Variants in LZTS1 observed in about 807,000 individuals in gnomAD.
The protein encoded by LZTS1 is leucine zipper putative tumor suppressor 1.
In LZTS1, 31 loss-of-function variants were observed where a neutral mutation model predicts 45.8. The observed-to-expected ratio is 0.68, with a 90% CI of 0.51 to 0.91. The LOEUF (loss-of-function observed/expected upper bound fraction) is 0.91. Ranked by LOEUF, LZTS1 falls within the 40% of genes least tolerant of loss-of-function variation. LZTS1 has a pLI of 0.00. For synonymous variants in LZTS1, 359 were observed against 357.3 expected (o/e 1.00, Z -0.05); for missense variants, 821 against 788.9 (o/e 1.04, Z -0.49).
intron 1 of LZTS1, among the ~76,000 whole-genome samples, chr8:20,261,596 A>T (rs941395590): frequency 1.3e-5 from 2 of 152,226 alleles, no homozygotes; most frequent in African/African-American, 4.8e-5. Flanking sequence ...GCTCAAGGCA[A>T]AGTGACACCT....
In LZTS1 at chr8:20,249,362, C is replaced by T. The variant is rs574850211; in HGVS notation, c.*360G>A. The stretch of plus-strand genomic sequence containing the variant: ...AGGAAAAAGAGGTTGGGATGAGAAG[C>T]AGAGGGGAGCCGCTGTACTTGCTGT... On this transcript the variant is annotated 3_prime_UTR_variant, in exon 4 of 4. Coordinates refer to ENST00000381569, the MANE Select transcript of LZTS1 (RefSeq NM_021020.5). The T allele has an allele frequency of 5.2e-5, 12 of 232,806 alleles. No homozygotes were observed. The South Asian group carries it at 5.9e-4, about 11-fold the overall frequency. The allele number at this position is 232,806 out of a possible 1,614,324, so 14.4% of individuals were successfully genotyped here.
In LZTS1 at chr8:20,255,002, G is replaced by A; in HGVS notation, c.180C>T (p.Gly60=). The A allele has an allele frequency of 6.2e-7, 1 of 1,614,216 alleles. No individual in the cohort carries two copies. The highest frequency in any genetic ancestry group is 1.1e-5 in the South Asian group (1 of 91,086). The change falls in exon 2 of 4, where the codon GGC becomes GGT. Residue 60 remains glycine (G), a synonymous_variant. Coordinates refer to ENST00000381569, the MANE Select transcript of LZTS1 (RefSeq NM_021020.5). The part of the protein sequence containing the change: ...SGHGKSSSKM[G]KSEDFFYIKV... ...TGATGTAGAAGAAGTCTTCGCTCTT[G>A]CCCATTTTGGAGCTGGACTTGCCGT...
chr8:20,279,391 G>A (rs1451203873), intron 1 of LZTS1, among the ~76,000 whole-genome samples: 1 of 152,166 alleles, frequency 6.6e-6, no homozygotes, highest in Non-Finnish European at 1.5e-5. Context: ...ATGTGTTAGT[G>A]GGCTGGTGAC....
rs10104204 is a variant in LZTS1, at chr8:20,291,150, T to C, written c.-135+12590A>G. Among the ~76,000 whole-genome samples, 910 of 152,356 alleles carry C rather than the reference T, an allele frequency of 6.0e-3. 10 individuals carry two copies. Among genetic ancestry groups the C allele is most frequent in the African/African-American group, 0.021 (872 of 41,580 alleles). ...CATAGGCTTTCAATCTATTTTAACG[T>C]AGTCAGATTGACCACATAGATGGAG... On this transcript the variant is annotated intron_variant, in intron 1 of 3. Transcript: ENST00000381569.
chr8:20,267,107 CAAAA>C (rs11379373), intron 1 of LZTS1, among the ~76,000 whole-genome samples: 1 of 109,690 alleles, frequency 9.1e-6, no homozygotes, highest in Non-Finnish European at 1.9e-5. Flanking sequence ...GACTCCATCT[CAAAA>C]AAAAAAAAAA....
At chr8:20,303,709 G>C (rs1801122512) in intron 1 of LZTS1, 31 bp downstream of exon 1, 8 of 985,420 alleles carry the variant, frequency 8.1e-6, no homozygotes, top group Non-Finnish European at 9.6e-6. Context: ...ACCCTCCAGG[G>C]GCGAGGAGAT....
chr8:20,266,519 C>A (rs939167414), intron 1 of LZTS1, among the ~76,000 whole-genome samples: 2 of 152,036 alleles, frequency 1.3e-5, no homozygotes, highest in African/African-American at 2.4e-5. Context: ...ATCATGTAGA[C>A]TTTGAGACAA....
intron 1 of LZTS1, among the ~76,000 whole-genome samples, chr8:20,273,231 T>G (rs948337133): frequency 6.6e-6 from 1 of 152,196 alleles, no homozygotes; most frequent in African/African-American, 2.4e-5. Context: ...TTGCCTGGCT[T>G]TCCTCCTGTT....
chr8:20,251,953 T>C (rs1234965457), intron 3 of LZTS1, among the ~76,000 whole-genome samples: 1 of 152,130 alleles, frequency 6.6e-6, no homozygotes, highest in Non-Finnish European at 1.5e-5. Flanking sequence ...GACTTGCACA[T>C]AGCCAGGGGT....
chr8:20,253,164 A>G lies in LZTS1; in HGVS notation c.767T>C (p.Ile256Thr), dbSNP rs1799988256. The G allele has an allele frequency of 6.2e-7, 1 of 1,613,224 alleles. No homozygotes were observed. Among genetic ancestry groups the G allele is most frequent in the Admixed American group, 1.7e-5 (1 of 60,028 alleles). ...CTGGATGCTGCACTCGTCCGTGGAG[A>G]TGGGGGAGCGGACACACGAGGGGCC... ...DKGPSCVRSPISTDECSIQEL... is the reference protein window; with the variant it reads ...DKGPSCVRSPTSTDECSIQEL... Residue 256 changes from isoleucine (I) to threonine (T), a missense_variant, in exon 3 of 4, where the codon ATC (isoleucine) becomes ACC (threonine). Ile to Thr is a moderately conservative substitution (Grantham distance 89, BLOSUM62 -1). Coordinates refer to ENST00000381569, the MANE Select transcript of LZTS1 (RefSeq NM_021020.5).
At chr8:20,302,757 T>G (rs1801103179) in intron 1 of LZTS1, among the ~76,000 whole-genome samples, 1 of 152,122 alleles carries the variant, frequency 6.6e-6, no homozygotes, top group South Asian at 2.1e-4. Context: ...AGGAAACACT[T>G]TAGGAGGCCA....
chr8:20,268,021 G>C (rs959523869), intron 1 of LZTS1, among the ~76,000 whole-genome samples: 4 of 152,182 alleles, frequency 2.6e-5, no homozygotes, highest in Non-Finnish European at 4.4e-5. Context: ...AAAAATGCTT[G>C]ACCAGTGAGG....
intron 1 of LZTS1, among the ~76,000 whole-genome samples, chr8:20,284,109 G>A (rs1270863051): frequency 6.6e-6 from 1 of 152,186 alleles, no homozygotes; most frequent in Non-Finnish European, 1.5e-5. Flanking sequence ...GGTCTTGAGT[G>A]AGTCATTCTC....
At chr8:20,285,925 A>C (rs1008214224) in intron 1 of LZTS1, among the ~76,000 whole-genome samples, 6 of 152,248 alleles carry the variant, frequency 3.9e-5, no homozygotes, top group Non-Finnish European at 7.3e-5. Flanking sequence ...AGTGAGACAA[A>C]AAAATGCTGC....
intron 1 of LZTS1, among the ~76,000 whole-genome samples, chr8:20,259,369 C>A (rs934639383): frequency 6.6e-6 from 1 of 152,202 alleles, no homozygotes; most frequent in Non-Finnish European, 1.5e-5. Context: ...CCGCTGGAGG[C>A]TATTGACAGT....
intron 1 of LZTS1, among the ~76,000 whole-genome samples, chr8:20,292,854 T>C (rs1321451514): frequency 6.6e-6 from 1 of 152,172 alleles, no homozygotes; most frequent in Non-Finnish European, 1.5e-5. Context: ...CCCTCAGCCA[T>C]GGGACCCTGA....
At chr8:20,293,110 G>C (rs1200979271) in intron 1 of LZTS1, among the ~76,000 whole-genome samples, 1 of 152,130 alleles carries the variant, frequency 6.6e-6, no homozygotes, top group East Asian at 1.9e-4. Flanking sequence ...GGAGATACGA[G>C]ATGAAGATAG....
At chr8:20,283,459 T>C (rs992033041) in intron 1 of LZTS1, among the ~76,000 whole-genome samples, 1 of 152,174 alleles carries the variant, frequency 6.6e-6, no homozygotes, top group Non-Finnish European at 1.5e-5. Flanking sequence ...CCTCCAGAAC[T>C]GTGAGAAATA....
At chr8:20,269,146 C>A (rs545324941) in intron 1 of LZTS1, among the ~76,000 whole-genome samples, 4 of 152,328 alleles carry the variant, frequency 2.6e-5, no homozygotes, top group Admixed American at 2.0e-4. Flanking sequence ...CACCCTGCTG[C>A]TGTTTGTGCT....
Sources: gnomAD v4.1 joint callset for allele counts (sites outside exome capture counted in the v4.1 genomes callset) on GRCh38, gnomAD v4.1.1 for gene constraint, MANE v1.5 for transcripts, NCBI Gene and HGNC (gene_info 2026-07-23, HGNC 2026-07-21) for gene names.